TOMM22: variants seen among roughly 807,000 people sequenced by gnomAD.
TOMM22 encodes the protein translocase of outer mitochondrial membrane 22.
Under a neutral mutation model 17.1 loss-of-function variants are expected in TOMM22, and 3 were observed. That is an observed-to-expected ratio of 0.18 (90% CI 0.08 to 0.45). The LOEUF (loss-of-function observed/expected upper bound fraction) is 0.45, where lower values mean the gene tolerates loss of function less well. TOMM22 is among the 20% of genes least tolerant of loss of function. The pLI is 0.99. For synonymous variants in TOMM22, 91 were observed against 74.0 expected (o/e 1.23, Z -1.18); for missense variants, 159 against 179.5 (o/e 0.89, Z 0.65).
Position 38,684,185 on chromosome 22 carries a change from T to G in TOMM22, c.*344T>G. 1 of 262,154 alleles carries G rather than the reference T, an allele frequency of 3.8e-6. No homozygotes were observed. The allele number at this position is 262,154 out of a possible 1,614,324, so 16.2% of individuals were successfully genotyped here. ...GATGCCAGTGGGAGGGATGTGCCCCTGACCATTAACGACTGTTTTTTTTTT... is the reference window on the plus strand; with the variant it reads ...GATGCCAGTGGGAGGGATGTGCCCCGGACCATTAACGACTGTTTTTTTTTT... On this transcript the variant is annotated 3_prime_UTR_variant, in exon 4 of 4. Coordinates refer to ENST00000216034, the MANE Select transcript of TOMM22 (RefSeq NM_020243.5).
At position 38,685,335 on chromosome 22, in the gene TOMM22, G is replaced by A. The variant is rs990812737; in HGVS notation, c.*1494G>A. 1 of 152,218 alleles carries A rather than the reference G, an allele frequency of 6.6e-6. No homozygotes were observed. Among genetic ancestry groups the A allele is most frequent in the Non-Finnish European group, 1.5e-5 (1 of 68,038 alleles). 9.4% of individuals were successfully genotyped at this position (152,218 alleles called of 1,614,324 possible). On this transcript the variant is annotated 3_prime_UTR_variant, in exon 4 of 4. Transcript: ENST00000216034. Reference sequence around the variant, plus strand: ...ACTTGTTAACTAGGGAAAAACACTAGTCACCAGTGTGGTACAAACTTGTAC... The same window carrying A: ...ACTTGTTAACTAGGGAAAAACACTAATCACCAGTGTGGTACAAACTTGTAC...
intron 3 of TOMM22, among the ~76,000 whole-genome samples, chr22:38,683,508 A>G (rs1485066444): frequency 6.6e-6 from 1 of 152,178 alleles, no homozygotes; most frequent in Non-Finnish European, 1.5e-5. Context: ...CCTGCTGCTG[A>G]TCTACTGCTG....
At chr22:38,682,603 C>T (rs1375949191) in intron 2 of TOMM22, among the ~76,000 whole-genome samples, 162 bp downstream of exon 2, 1 of 151,820 alleles carries the variant, frequency 6.6e-6, no homozygotes, top group Non-Finnish European at 1.5e-5. Flanking sequence ...TCTTACCTGG[C>T]AGGGGAGTTG....
chr22:38,682,257 G>T lies in TOMM22; in HGVS notation c.118-66G>T, dbSNP rs1312071198. 2.4e-5 allele frequency: 38 copies of T among 1,572,330 alleles called. No individual in the cohort carries two copies. In the Admixed American group the frequency reaches 5.7e-4, roughly 24 times the overall value. On this transcript the variant is annotated intron_variant, in intron 1 of 3. Coordinates refer to ENST00000216034, the MANE Select transcript of TOMM22 (RefSeq NM_020243.5). ...CTCCAGTGGGGCTCGGCGGCTCCCA[G>T]TGCCGCAGCGGGGCCAGGAATGGAT...
chr22:38,683,799 A>T lies in TOMM22; in HGVS notation c.387A>T (p.Gly129=), dbSNP rs2092487252. The T allele has an allele frequency of 6.2e-7, 1 of 1,613,908 alleles. No individual in the cohort carries two copies. Among genetic ancestry groups the T allele is most frequent in the Admixed American group, 1.7e-5 (1 of 59,986 alleles). The change falls in exon 4 of 4, where the codon GGA becomes GGT. Residue 129 remains glycine (G), a synonymous_variant. Coordinates refer to ENST00000216034, the MANE Select transcript of TOMM22 (RefSeq NM_020243.5). ...ILLGPNTGLS[G]GMPGALPSLP... ...TAGGACCTAACACAGGGCTCTCAGG[A>T]GGAATGCCAGGGGCTCTACCCTCAC... is the stretch of plus-strand genomic sequence containing the variant.
In TOMM22 at chr22:38,681,999, T is replaced by C. The variant is rs1399810467; in HGVS notation, c.21T>C (p.Ala7=). The change falls in exon 1 of 4, where the codon GCT becomes GCC. Residue 7 remains alanine (A), a synonymous_variant. Transcript: ENST00000216034. MAAAVA[A]AGAGEPQSPD... is the part of the protein sequence containing the mutation. ...CAGTCATGGCTGCCGCCGTCGCTGC[T>C]GCCGGTGCAGGGGAACCCCAGTCCC... 1.2e-6 allele frequency: 2 copies of C among 1,611,602 alleles called. No individual in the cohort carries two copies. The highest frequency in any genetic ancestry group is 1.7e-6 in the Non-Finnish European group (2 of 1,179,208).
chr22:38,683,448 T>C (rs1300228656), intron 3 of TOMM22, among the ~76,000 whole-genome samples: 1 of 152,154 alleles, frequency 6.6e-6, no homozygotes, highest in Admixed American at 6.5e-5. Context: ...CAGGCAGTAA[T>C]GTGAGCGATG....
Position 38,684,799 on chromosome 22 carries a change from CAG to C in TOMM22, c.*960_*961del, listed in dbSNP as rs1343777628. On this transcript the variant is annotated 3_prime_UTR_variant, in exon 4 of 4. Coordinates refer to ENST00000216034, the MANE Select transcript of TOMM22 (RefSeq NM_020243.5). ...ATTTCTGGGGAATAGGGGAGGGGGA[CAG>C]AATTTTTTTTTTTTTTTTTTTGCCT... The C allele has an allele frequency of 1.4e-5, 2 of 148,014 alleles. No homozygotes were observed. Among genetic ancestry groups the C allele is most frequent in the African/African-American group, 5.0e-5 (2 of 39,806 alleles). The allele number at this position is 148,014 out of a possible 1,614,324, so 9.2% of individuals were successfully genotyped here.
At chr22:38,682,694 A>C (rs1298602364) in intron 2 of TOMM22, among the ~76,000 whole-genome samples, 185 bp from the exon 3 acceptor site, 1 of 152,004 alleles carries the variant, frequency 6.6e-6, no homozygotes, top group African/African-American at 2.4e-5. Context: ...AACCGCCATC[A>C]CTAGATGATA....
At position 38,681,992 on chromosome 22, in the gene TOMM22, T is replaced by C. The variant is rs1488995736; in HGVS notation, c.14T>C (p.Val5Ala). 1 of 1,610,822 alleles carries C rather than the reference T, an allele frequency of 6.2e-7. No homozygotes were observed. The highest frequency in any genetic ancestry group is 2.2e-5 in the East Asian group (1 of 44,806). The change falls in exon 1 of 4, where the codon GTC becomes GCC. Residue 5 changes from valine to alanine, a missense_variant. Physicochemically the swap from Val to Ala is moderately conservative, Grantham distance 64 (BLOSUM62 0). Transcript: ENST00000216034. MAAA[V>A]AAAGAGEPQS... Reference sequence around the variant, plus strand: ...TCCCCTACAGTCATGGCTGCCGCCGTCGCTGCTGCCGGTGCAGGGGAACCC... The same window carrying C: ...TCCCCTACAGTCATGGCTGCCGCCGCCGCTGCTGCCGGTGCAGGGGAACCC...
rs760364062 is a variant in TOMM22, at chr22:38,682,364, G to A, written c.159G>A (p.Glu53=). Residue 53 remains glutamate, a synonymous_variant, in exon 2 of 4, where the codon GAG becomes GAA. Transcript: ENST00000216034. ...CGGAGAGACTATGGGGCCTGACGGA[G>A]ATGTTTCCGGAGAGGGTCCGGTCCG... is the stretch of plus-strand genomic sequence containing the variant. The part of the protein sequence containing the change: ...TLSERLWGLT[E]MFPERVRSAA... The A allele has an allele frequency of 1.2e-6, 2 of 1,614,110 alleles. No individual in the cohort carries two copies. The highest frequency in any genetic ancestry group is 1.3e-5 in the African/African-American group (1 of 74,932).
At position 38,682,379 on chromosome 22, in the gene TOMM22, G is replaced by A. The variant is rs936036078; in HGVS notation, c.174G>A (p.Arg58=). Residue 58 remains arginine, a synonymous_variant, in exon 2 of 4, where the codon AGG becomes AGA. Coordinates refer to ENST00000216034, the MANE Select transcript of TOMM22 (RefSeq NM_020243.5). ...LWGLTEMFPE[R]VRSAAGATFD... ...GCCTGACGGAGATGTTTCCGGAGAGGGTCCGGTCCGCGGCCGGAGCCACTT... is the reference window on the plus strand; with the variant it reads ...GCCTGACGGAGATGTTTCCGGAGAGAGTCCGGTCCGCGGCCGGAGCCACTT... 11 of 1,614,076 alleles carry A rather than the reference G, an allele frequency of 6.8e-6. No individual in the cohort carries two copies. The highest frequency in any genetic ancestry group is 6.7e-5 in the African/African-American group (5 of 74,928).
Position 38,683,917 on chromosome 22 carries a change from T to G in TOMM22, c.*76T>G. 35 of 871,170 alleles carry G rather than the reference T, an allele frequency of 4.0e-5. No individual in the cohort carries two copies. The highest frequency in any genetic ancestry group is 6.2e-5 in the Admixed American group (2 of 32,506). The allele number at this position is 871,170 out of a possible 1,614,324, so 54.0% of individuals were successfully genotyped here. A position where few individuals can be genotyped will look rare whatever the true frequency, so the allele number is the denominator to read the frequency against. ...TGTTTGAACTGCTGATAATTTGGAT[T>G]TTTTTTTTTTTTTAACTTTGGCACA... On this transcript the variant is annotated 3_prime_UTR_variant, in exon 4 of 4. Coordinates refer to ENST00000216034, the MANE Select transcript of TOMM22 (RefSeq NM_020243.5).
At position 38,682,104 on chromosome 22, in the gene TOMM22, G is replaced by A. The variant is rs2092480161; in HGVS notation, c.117+9G>A. On this transcript the variant is annotated intron_variant, in intron 1 of 3. Coordinates refer to ENST00000216034, the MANE Select transcript of TOMM22 (RefSeq NM_020243.5). ...AGGACGACGATGAGGAGGTACTAGG[G>A]CCTCGCGGGGTGCAGAGCGGGAAGC... The A allele has an allele frequency of 6.4e-7, 1 of 1,568,298 alleles. No homozygotes were observed. The highest frequency in any genetic ancestry group is 1.9e-5 in the Admixed American group (1 of 52,274).
In TOMM22 at chr22:38,684,208, T is replaced by G. The variant is rs1283912629; in HGVS notation, c.*367T>G. On this transcript the variant is annotated 3_prime_UTR_variant, in exon 4 of 4. Coordinates refer to ENST00000216034, the MANE Select transcript of TOMM22 (RefSeq NM_020243.5). ...CCTGACCATTAACGACTGTTTTTTT[T>G]TTTTTTTTTTAAAGAATGGAGTTGT... 4.6e-5 allele frequency: 9 copies of G among 194,506 alleles called. No individual in the cohort carries two copies. The highest frequency in any genetic ancestry group is 1.1e-4 in the East Asian group (1 of 8,732). The allele number at this position is 194,506 out of a possible 1,614,324, so 12.0% of individuals were successfully genotyped here. A position where few individuals can be genotyped will look rare whatever the true frequency, so the allele number is the denominator to read the frequency against.
chr22:38,683,276 C>CTA (rs1183086513), intron 3 of TOMM22, among the ~76,000 whole-genome samples: 2 of 152,120 alleles, frequency 1.3e-5, no homozygotes, highest in Non-Finnish European at 2.9e-5. Context: ...TTTCCTGCAA[C>CTA]TAGACAGTCC....
rs866749625 is a variant in TOMM22 at position 38,684,199 on chromosome 22, T to G, written c.*358T>G. The G allele has an allele frequency of 7.7e-4, 160 of 208,212 alleles. No individual in the cohort carries two copies. The highest frequency in any genetic ancestry group is 3.5e-3 in the African/African-American group (147 of 41,410). 12.9% of individuals were successfully genotyped at this position (208,212 alleles called of 1,614,324 possible). A position where few individuals can be genotyped will look rare whatever the true frequency, so the allele number is the denominator to read the frequency against. On this transcript the variant is annotated 3_prime_UTR_variant, in exon 4 of 4. Coordinates refer to ENST00000216034, the MANE Select transcript of TOMM22 (RefSeq NM_020243.5). ...GGATGTGCCCCTGACCATTAACGAC[T>G]GTTTTTTTTTTTTTTTTTTAAAGAA...
intron 3 of TOMM22, among the ~76,000 whole-genome samples, chr22:38,683,459 G>C (rs1343666443): frequency 6.6e-6 from 1 of 152,170 alleles, no homozygotes; most frequent in African/African-American, 2.4e-5. Context: ...GTGAGCGATG[G>C]TGAACAGCAG....
Position 38,685,343 on chromosome 22 carries a change from TGTG to T in TOMM22, c.*1505_*1507del. Reference sequence around the variant, plus strand: ...ACTAGGGAAAAACACTAGTCACCAGTGTGGTACAAACTTGTACTTAGGTGGATT... The same window carrying T: ...ACTAGGGAAAAACACTAGTCACCAGTGTACAAACTTGTACTTAGGTGGATT... On this transcript the variant is annotated 3_prime_UTR_variant, in exon 4 of 4. Transcript: ENST00000216034. 1 of 152,310 alleles carries T rather than the reference TGTG, an allele frequency of 6.6e-6. No homozygotes were observed. 9.4% of individuals were successfully genotyped at this position (152,310 alleles called of 1,614,324 possible).
Sources: allele counts gnomAD v4.1 joint callset (sites outside exome capture counted in the v4.1 genomes callset), GRCh38; gene constraint gnomAD v4.1.1; transcripts MANE v1.5; gene names NCBI Gene and HGNC (gene_info 2026-07-23, HGNC 2026-07-21).